VPS53: variants seen among roughly 807,000 people sequenced by gnomAD.
VPS53 encodes the protein VPS53 subunit of GARP complex.
Under a neutral mutation model 107.0 loss-of-function variants are expected in VPS53, and 70 were observed. That is an observed-to-expected ratio of 0.65 (90% CI 0.54 to 0.80). The LOEUF is 0.80. VPS53 is among the 30% of genes least tolerant of loss of function. The pLI is 0.00. For missense variants in VPS53, 917 were observed against 1,049.4 expected, an observed-to-expected ratio of 0.87 and a Z score of 1.74; for synonymous variants, 409 against 393.3, an observed-to-expected ratio of 1.04 and a Z score of -0.47.
At chr17:661,936 A>G in intron 4 of VPS53, 41 bp from the exon 5 acceptor site, 1 of 1,474,158 alleles carries the variant, frequency 6.8e-7, no homozygotes, top group Non-Finnish European at 9.3e-7. Flanking sequence ...AAGTGGCTAG[A>G]GACAGCTCCA....
intron 13 of VPS53, among the ~76,000 whole-genome samples, chr17:585,278 T>C (rs72808284): frequency 0.21 from 32,532 of 152,144 alleles, 4,126 homozygotes; most frequent in Non-Finnish European, 0.29. Flanking sequence ...CCAAAATTGA[T>C]TTCATCAAGA....
chr17:577,205 G>T (rs142901871), intron 13 of VPS53, among the ~76,000 whole-genome samples: 5 of 147,176 alleles, frequency 3.4e-5, no homozygotes, highest in African/African-American at 1.3e-4. Flanking sequence ...ACGTCAATGC[G>T]TTCCCAGAGA....
At chr17:650,227 G>T (rs1480502475) in intron 7 of VPS53, among the ~76,000 whole-genome samples, 1 of 152,196 alleles carries the variant, frequency 6.6e-6, no homozygotes, top group Non-Finnish European at 1.5e-5. Flanking sequence ...AGGTACAGTG[G>T]CTCACGCTTG....
rs59552646 is a variant in VPS53 at position 706,569 on chromosome 17, A to G, written c.168+3964T>C. ...AAAAAAAAAATTACACAAGCAAGTC[A>G]TTGTAACATCATAATTTACCTATAA... On this transcript the variant is annotated intron_variant, in intron 2 of 21. Transcript: ENST00000437048. Among the ~76,000 whole-genome samples, 1,498 of 152,052 alleles carry G rather than the reference A, an allele frequency of 9.9e-3. 25 individuals carry two copies. Among genetic ancestry groups the G allele is most frequent in the African/African-American group, 0.034 (1,402 of 41,476 alleles).
intron 17 of VPS53, among the ~76,000 whole-genome samples, chr17:546,329 T>TCTCACACACACA (rs1555549994): frequency 6.8e-5 from 9 of 131,868 alleles, no homozygotes; most frequent in Non-Finnish European, 4.8e-5. Flanking sequence ...CTTAGATATC[T>TCTCACACACACA]CACACACACA....
intron 4 of VPS53, among the ~76,000 whole-genome samples, chr17:671,239 A>G (rs72810215): frequency 1.7e-3 from 257 of 150,330 alleles, no homozygotes; most frequent in African/African-American, 6.1e-3. Flanking sequence ...AGAAAAGAAA[A>G]GAAAGAAGAA....
chr17:588,814 T>G (rs1297211418), intron 12 of VPS53, among the ~76,000 whole-genome samples: 2 of 152,120 alleles, frequency 1.3e-5, no homozygotes, highest in African/African-American at 4.8e-5. Flanking sequence ...TCCTGGGAGT[T>G]TTTCTGCATT....
chr17:575,370 G>A (rs540162526), intron 13 of VPS53, among the ~76,000 whole-genome samples: 4 of 152,284 alleles, frequency 2.6e-5, no homozygotes, highest in African/African-American at 9.6e-5. Flanking sequence ...AAAAACAAGG[G>A]GAGGGGTGAA....
intron 19 of VPS53, among the ~76,000 whole-genome samples, chr17:522,247 G>T (rs951162286): frequency 6.6e-5 from 10 of 152,182 alleles, no homozygotes; most frequent in Admixed American, 1.3e-4. Context: ...GACAGAGGGA[G>T]ACCCTGCCTC....
At chr17:561,803 T>C (rs940476414) in intron 14 of VPS53, among the ~76,000 whole-genome samples, 13 of 152,142 alleles carry the variant, frequency 8.5e-5, no homozygotes, top group African/African-American at 3.1e-4. Context: ...CTGATTTTTG[T>C]ATTTTTAGTA....
intron 3 of VPS53, among the ~76,000 whole-genome samples, chr17:697,950 G>A (rs998903384): frequency 6.6e-6 from 1 of 151,824 alleles, no homozygotes; most frequent in Non-Finnish European, 1.5e-5. Flanking sequence ...GCAGATCTAC[G>A]GCTTCCAGCT....
At chr17:596,745 T>C (rs1245915014) in intron 12 of VPS53, among the ~76,000 whole-genome samples, 3 of 152,190 alleles carry the variant, frequency 2.0e-5, no homozygotes, top group Non-Finnish European at 4.4e-5. Flanking sequence ...GCATTTCCCT[T>C]TGCACCAAGC....
chr17:520,506 T>A lies in VPS53; in HGVS notation c.2224-576A>T, dbSNP rs114897425. 3.7e-3 allele frequency among the ~76,000 whole-genome samples: 557 copies of A among 152,326 alleles called. 2 individuals are homozygous for A. The highest frequency in any genetic ancestry group is 0.013 in the African/African-American group (526 of 41,570). ...TGGAGACTTAAAATCTGTAACTTCATGTAACGACTAACTTAAACTATCAAT... is the reference window on the plus strand; with the variant it reads ...TGGAGACTTAAAATCTGTAACTTCAAGTAACGACTAACTTAAACTATCAAT... On this transcript the variant is annotated intron_variant, in intron 20 of 21. Transcript: ENST00000437048. This position sits in a 1 kb window ranked among gnomAD's most constrained non-coding sequence, Gnocchi z 4.4.
chr17:560,210 C>T (rs1317643807), intron 15 of VPS53, among the ~76,000 whole-genome samples: 1 of 152,356 alleles, frequency 6.6e-6, no homozygotes, highest in Middle Eastern at 3.4e-3. Context: ...ACCAGTCATA[C>T]TTTCTTGCCC....
At chr17:614,204 A>G (rs1463588417) in intron 11 of VPS53, among the ~76,000 whole-genome samples, 1 of 152,254 alleles carries the variant, frequency 6.6e-6, no homozygotes, top group Non-Finnish European at 1.5e-5. Context: ...TCGTGGCATC[A>G]TCTTATGAAT....
At chr17:608,208 A>G (rs1968673040) in intron 11 of VPS53, among the ~76,000 whole-genome samples, 1 of 152,170 alleles carries the variant, frequency 6.6e-6, no homozygotes, top group African/African-American at 2.4e-5. Context: ...TGCTACCGCC[A>G]TGTCCACTTC....
At position 519,073 on chromosome 17, in the gene VPS53, C is replaced by T; in HGVS notation, c.*55G>A. 1 of 1,452,018 alleles carries T rather than the reference C, an allele frequency of 6.9e-7. No individual in the cohort carries two copies. The highest frequency in any genetic ancestry group is 9.1e-7 in the Non-Finnish European group (1 of 1,098,146). The allele number at this position is 1,452,018 out of a possible 1,614,324, so 89.9% of individuals were successfully genotyped here. A position where few individuals can be genotyped will look rare whatever the true frequency, so the allele number is the denominator to read the frequency against. Reference sequence around the variant, plus strand: ...GGAGCACAGGAGAGGTTGGGGGCTTCTGGGGAACGGGCGCTGAGGGTCTCC... The same window carrying T: ...GGAGCACAGGAGAGGTTGGGGGCTTTTGGGGAACGGGCGCTGAGGGTCTCC... On this transcript the variant is annotated 3_prime_UTR_variant, in exon 22 of 22. Coordinates refer to ENST00000437048, the MANE Select transcript of VPS53 (RefSeq NM_001128159.3). This position sits in a 1 kb window ranked among gnomAD's most constrained non-coding sequence, Gnocchi z 5.0.
At chr17:569,214 C>G (rs2151861840) in intron 13 of VPS53, among the ~76,000 whole-genome samples, 2 of 152,294 alleles carry the variant, frequency 1.3e-5, no homozygotes, top group East Asian at 3.9e-4. Flanking sequence ...CTGGCCAAGT[C>G]AGGGACAATT....
intron 4 of VPS53, among the ~76,000 whole-genome samples, chr17:670,479 C>T (rs954127340): frequency 6.6e-6 from 1 of 152,200 alleles, no homozygotes; most frequent in Non-Finnish European, 1.5e-5. Flanking sequence ...CACAGGAGGT[C>T]ACGTGTGGAA....
Sources: gnomAD v4.1 joint callset for allele counts (sites outside exome capture counted in the v4.1 genomes callset) on GRCh38, gnomAD v4.1.1 for gene constraint, Gnocchi (gnomAD v3.1) non-coding constraint, MANE v1.5 for transcripts, NCBI Gene and HGNC (gene_info 2026-07-23, HGNC 2026-07-21) for gene names.